Variants in ABCA13 observed in about 807,000 individuals in gnomAD.
The protein encoded by ABCA13 is ATP-binding cassette sub-family A member 13.
ABCA13 carries 476 observed loss-of-function variants against 478.7 expected under a neutral mutation model. The observed-to-expected ratio is 0.99, with a 90% CI of 0.92 to 1.07. The LOEUF is 1.07. ABCA13 is among the 50% of genes least tolerant of loss of function. The pLI, the probability that ABCA13 is intolerant of heterozygous loss-of-function variation, is 0.00. For missense variants in ABCA13, 6,060 were observed against 5,910.6 expected, an observed-to-expected ratio of 1.03 and a Z score of -0.83; for synonymous variants, 2,252 against 2,158.9, an observed-to-expected ratio of 1.04 and a Z score of -1.20.
chr7:48,212,464 C>T (rs1785809059), intron 3 of ABCA13, among the ~76,000 whole-genome samples: 1 of 152,082 alleles, frequency 6.6e-6, no homozygotes, highest in Non-Finnish European at 1.5e-5. Flanking sequence ...GAGTAGAATT[C>T]TTGGGATAAA....
chr7:48,352,131 G>A (rs758622520), intron 30 of ABCA13, 50 bp from the exon 31 acceptor site: 1 of 1,538,418 alleles, frequency 6.5e-7, no homozygotes, highest in Non-Finnish European at 8.8e-7. Flanking sequence ...CGTGGTTTGA[G>A]CCACTCCCTA....
chr7:48,528,992 C>G (rs894355517), intron 55 of ABCA13, among the ~76,000 whole-genome samples: 8 of 152,176 alleles, frequency 5.3e-5, no homozygotes, highest in Non-Finnish European at 1.0e-4. Flanking sequence ...TACCTGGGCC[C>G]TTTCACTCCC....
At chr7:48,303,830 G>T (rs1800512001) in intron 23 of ABCA13, among the ~76,000 whole-genome samples, 1 of 152,122 alleles carries the variant, frequency 6.6e-6, no homozygotes, top group Admixed American at 6.5e-5. Flanking sequence ...GTCACCAAAA[G>T]ATGAGAGTAT....
At chr7:48,350,894 A>G (rs1808868876) in intron 30 of ABCA13, 75 bp downstream of exon 30, 2 of 1,465,938 alleles carry the variant, frequency 1.4e-6, no homozygotes, top group Non-Finnish European at 9.3e-7. Context: ...GTTTCTCCCT[A>G]AAGGTGTCTT....
At chr7:48,406,362 A>G (rs774969955) in intron 39 of ABCA13, among the ~76,000 whole-genome samples, 1 of 152,208 alleles carries the variant, frequency 6.6e-6, no homozygotes, top group Non-Finnish European at 1.5e-5. Flanking sequence ...TTGCAAATAG[A>G]GACAATTGTA....
chr7:48,604,814 A>G (rs1368305711), intron 58 of ABCA13, among the ~76,000 whole-genome samples: 1 of 152,136 alleles, frequency 6.6e-6, no homozygotes, highest in Admixed American at 6.5e-5. Context: ...TCTGTCTAAT[A>G]TTGACAGTAG....
At chr7:48,435,820 T>A (rs987570137) in intron 42 of ABCA13, among the ~76,000 whole-genome samples, 1 of 151,348 alleles carries the variant, frequency 6.6e-6, no homozygotes, top group Non-Finnish European at 1.5e-5. Context: ...TTAACTTGAC[T>A]TTTTTTTGTA....
intron 48 of ABCA13, among the ~76,000 whole-genome samples, chr7:48,502,921 C>G (rs1830882343): frequency 6.6e-6 from 1 of 152,156 alleles, no homozygotes; most frequent in South Asian, 2.1e-4. Flanking sequence ...TTCCTCTCCT[C>G]CTTTTTGCCC....
intron 7 of ABCA13, 57 bp downstream of exon 7, chr7:48,230,012 T>A: frequency 6.5e-7 from 1 of 1,540,726 alleles, no homozygotes; most frequent in South Asian, 1.3e-5. Flanking sequence ...CTTAAATTCA[T>A]TGACAGTTGA....
chr7:48,436,483 G>T (rs911391439), intron 42 of ABCA13, among the ~76,000 whole-genome samples: 2 of 151,432 alleles, frequency 1.3e-5, no homozygotes, highest in Non-Finnish European at 3.0e-5. Context: ...TGACTTCATT[G>T]ATTTTTCCCT....
At chr7:48,366,837 C>G (rs1219732379) in intron 31 of ABCA13, among the ~76,000 whole-genome samples, 1 of 152,116 alleles carries the variant, frequency 6.6e-6, no homozygotes, top group Non-Finnish European at 1.5e-5. Flanking sequence ...TAAATGTCAA[C>G]ATGAGTTTTG....
At position 48,376,692 on chromosome 7, in the gene ABCA13, G is replaced by C. The variant is rs543056316; in HGVS notation, c.11335+120G>C. On this transcript the variant is annotated intron_variant, in intron 35 of 61. Transcript: ENST00000435803. ...GGAAGATCCAGAAAGGGAAGTCTTAGGATATATATTTAAAAGGAGCTGTAC... is the reference window on the plus strand; with the variant it reads ...GGAAGATCCAGAAAGGGAAGTCTTACGATATATATTTAAAAGGAGCTGTAC... The C allele has an allele frequency of 5.0e-4, 580 of 1,169,646 alleles. 5 individuals are homozygous for C. The South Asian group carries it at 9.2e-3, about 19-fold the overall frequency. 72.5% of individuals were successfully genotyped at this position (1,169,646 alleles called of 1,614,324 possible).
chr7:48,413,170 T>C (rs1819511715), intron 41 of ABCA13, among the ~76,000 whole-genome samples: 1 of 152,170 alleles, frequency 6.6e-6, no homozygotes, highest in African/African-American at 2.4e-5. Flanking sequence ...CATGAGGTGT[T>C]TAAACAGTTG....
chr7:48,323,756 C>G (rs553056779), intron 27 of ABCA13, among the ~76,000 whole-genome samples: 1 of 152,140 alleles, frequency 6.6e-6, no homozygotes, highest in Non-Finnish European at 1.5e-5. Context: ...TGGCTGTGCC[C>G]CCACCCACAT....
At chr7:48,575,328 A>G (rs1788059109) in intron 55 of ABCA13, among the ~76,000 whole-genome samples, 1 of 152,156 alleles carries the variant, frequency 6.6e-6, no homozygotes, top group South Asian at 2.1e-4. Context: ...TTAAAAGTTG[A>G]TACTCTAAAG....
intron 29 of ABCA13, among the ~76,000 whole-genome samples, chr7:48,344,850 C>A (rs1807815062): frequency 6.6e-6 from 1 of 152,124 alleles, no homozygotes. Context: ...TAATACTAGA[C>A]CACATTTTAT....
chr7:48,352,358 ATAACTACGTC>A lies in ABCA13; in HGVS notation c.10561_10570del (p.Asn3521LeufsTer7). 6.2e-7 allele frequency: 1 copy of A among 1,613,732 alleles called. No individual in the cohort carries two copies. Among genetic ancestry groups the A allele is most frequent in the Non-Finnish European group, 8.5e-7 (1 of 1,179,868 alleles). On this transcript the variant is annotated frameshift_variant, in exon 31 of 62. Transcript: ENST00000435803. LOFTEE classifies it high-confidence loss of function. Reference sequence around the variant, plus strand: ...AATCTACCAGCTGATGGGTTCAAATATAACTACGTCTTTGCCCCACTGCAAGACATGATCG... The same window carrying A: ...AATCTACCAGCTGATGGGTTCAAATATTTGCCCCACTGCAAGACATGATCG...
intron 55 of ABCA13, among the ~76,000 whole-genome samples, chr7:48,572,019 A>C (rs569094297): frequency 6.6e-6 from 1 of 152,254 alleles, no homozygotes; most frequent in African/African-American, 2.4e-5. Flanking sequence ...CTCTACTAAA[A>C]ATACCAAAAA....
At chr7:48,519,056 T>A (rs566488518) in intron 52 of ABCA13, among the ~76,000 whole-genome samples, 1 of 151,932 alleles carries the variant, frequency 6.6e-6, no homozygotes, top group African/African-American at 2.4e-5. Flanking sequence ...TAAGTGGGAA[T>A]ATGCAGTGTT....
Sources: gnomAD v4.1 joint callset for allele counts (sites outside exome capture counted in the v4.1 genomes callset) on GRCh38, gnomAD v4.1.1 for gene constraint, MANE v1.5 for transcripts, NCBI Gene and HGNC (gene_info 2026-07-23, HGNC 2026-07-21) for gene names.